Variants in LRIG3 observed in about 807,000 individuals in gnomAD.
The protein encoded by LRIG3 is leucine-rich repeats and immunoglobulin-like domains protein 3.
Under a neutral mutation model 114.5 loss-of-function variants are expected in LRIG3, and 76 were observed. The observed-to-expected ratio is 0.66, with a 90% CI of 0.55 to 0.80. LRIG3 has a LOEUF of 0.80. Ranked by LOEUF, LRIG3 falls within the 30% of genes least tolerant of loss-of-function variation. The pLI, the probability that LRIG3 is intolerant of heterozygous loss-of-function variation, is 0.00. For missense variants in LRIG3, 1,239 were observed against 1,382.8 expected, an observed-to-expected ratio of 0.90 and a Z score of 1.65; for synonymous variants, 512 against 519.8, an observed-to-expected ratio of 0.98 and a Z score of 0.20.
chr12:58,901,841 C>G (rs1871859837), intron 3 of LRIG3, among the ~76,000 whole-genome samples: 1 of 152,208 alleles, frequency 6.6e-6, no homozygotes, highest in African/African-American at 2.4e-5. Context: ...TACGGAAAGG[C>G]TGCTCACCAA....
At chr12:58,883,618 C>T in intron 10 of LRIG3, 27 bp from the exon 11 acceptor site, 1 of 1,507,660 alleles carries the variant, frequency 6.6e-7, no homozygotes, top group Non-Finnish European at 9.1e-7. Flanking sequence ...TCAAATGCAT[C>T]AGAGCAAACT....
At chr12:58,913,750 T>C in intron 3 of LRIG3, 1 of 465,932 alleles carries the variant, frequency 2.1e-6, no homozygotes, top group East Asian at 3.6e-5. Context: ...CGAAGACCAG[T>C]TCGGCAACAA....
chr12:58,883,027 A>C lies in LRIG3; in HGVS notation c.1322T>G (p.Leu441Ter). The C allele has an allele frequency of 6.2e-7, 1 of 1,612,156 alleles. No individual in the cohort carries two copies. The highest frequency in any genetic ancestry group is 8.5e-7 in the Non-Finnish European group (1 of 1,178,962). Residue 441 changes from leucine to a stop codon, truncating the protein, a stop_gained, in exon 12 of 19, where the codon TTA (leucine) becomes TGA (stop). Transcript: ENST00000320743. LOFTEE classifies it high-confidence loss of function. ...SQMKKLQQLH[L>*]NTSSLLCDCQ... ...ATCGCACAAAAGGCTTGATGTATTT[A>C]AATGCCTGAGGAGAGTAATTACATT...
chr12:58,911,103 T>C (rs1213932523), intron 3 of LRIG3, among the ~76,000 whole-genome samples: 1 of 152,144 alleles, frequency 6.6e-6, no homozygotes, highest in Non-Finnish European at 1.5e-5. Context: ...TCTGAGCTAG[T>C]TCTGTGTGGG....
chr12:58,883,828 C>T (rs368760325), intron 10 of LRIG3, among the ~76,000 whole-genome samples: 19 of 152,284 alleles, frequency 1.2e-4, no homozygotes, highest in African/African-American at 4.1e-4. Context: ...TCTGTCATCA[C>T]TTAAAGATTA....
chr12:58,889,886 G>A, intron 5 of LRIG3, 110 bp downstream of exon 5: 1 of 1,341,402 alleles, frequency 7.5e-7, no homozygotes, highest in Non-Finnish European at 1.0e-6. Flanking sequence ...AGGAAAGGCA[G>A]CTACATCCTT....
In LRIG3 at chr12:58,907,382, GAGA is replaced by G. The variant is rs567627235; in HGVS notation, c.383+6597_383+6599del. 4.9e-4 allele frequency among the ~76,000 whole-genome samples: 75 copies of G among 152,294 alleles called. 1 individual carries two copies. The South Asian group carries it at 0.015, about 30-fold the overall frequency. ...CCAAAATTATTAGGAACCATGAAGA[GAGA>G]AGTTTTCCTGAAAATTCACCCCCAA... On this transcript the variant is annotated intron_variant, in intron 3 of 18. Transcript: ENST00000320743.
At chr12:58,892,051 A>G (rs1406083762) in intron 3 of LRIG3, among the ~76,000 whole-genome samples, 1 of 152,180 alleles carries the variant, frequency 6.6e-6, no homozygotes, top group Non-Finnish European at 1.5e-5. Flanking sequence ...AGAAAAAAAA[A>G]AAAGAAGTCA....
chr12:58,906,192 G>C (rs1055559896), intron 3 of LRIG3, among the ~76,000 whole-genome samples: 1 of 152,074 alleles, frequency 6.6e-6, no homozygotes, highest in African/African-American at 2.4e-5. Flanking sequence ...TTCTAACTGT[G>C]GCTAAAGCTG....
At chr12:58,883,173 A>G (rs2120892772) in intron 11 of LRIG3, 141 bp from the exon 12 acceptor site, 1 of 775,030 alleles carries the variant, frequency 1.3e-6, no homozygotes, top group East Asian at 2.8e-5. Flanking sequence ...CCCACAGTCC[A>G]TTTTAAAATA....
chr12:58,874,865 C>T (rs866222674), intron 16 of LRIG3, among the ~76,000 whole-genome samples: 1 of 152,296 alleles, frequency 6.6e-6, no homozygotes, highest in South Asian at 2.1e-4. Flanking sequence ...CAGCACTGTC[C>T]CCTTCTTACA....
chr12:58,888,810 C>G lies in LRIG3; in HGVS notation c.803+9G>C, dbSNP rs1229880119. ...TACCTCAGTAGGAACTGTGATAACC[C>G]ACACTTACAAAATTTCCATGTTGCT... On this transcript the variant is annotated intron_variant, in intron 6 of 18. Coordinates refer to ENST00000320743, the MANE Select transcript of LRIG3 (RefSeq NM_153377.5). 6.2e-7 allele frequency: 1 copy of G among 1,612,990 alleles called. No individual in the cohort carries two copies. The highest frequency in any genetic ancestry group is 8.5e-7 in the Non-Finnish European group (1 of 1,179,464).
Position 58,878,970 on chromosome 12 carries a change from G to A in LRIG3, c.1937C>T (p.Ala646Val). The part of the protein sequence containing the change: ...WQKDGGTDFP[A>V]ARERRMHVMP... ...CACATGCATGCGTCTCTCCCGTGCAGCTGGGAAGTCTGTGCCCCCATCCTT... is the reference window on the plus strand; with the variant it reads ...CACATGCATGCGTCTCTCCCGTGCAACTGGGAAGTCTGTGCCCCCATCCTT... The change falls in exon 14 of 19, where the codon GCT (alanine) becomes GTT (valine). Residue 646 changes from alanine (A) to valine (V), a missense_variant. Transcript: ENST00000320743. The A allele has an allele frequency of 6.2e-7, 1 of 1,614,180 alleles. No homozygotes were observed.
At position 58,891,385 on chromosome 12, in the gene LRIG3, GGT is replaced by G. The variant is rs375720843; in HGVS notation, c.384-591_384-590del. 8.9e-4 allele frequency among the ~76,000 whole-genome samples: 136 copies of G among 152,220 alleles called. 1 individual carries two copies. The highest frequency in any genetic ancestry group is 3.4e-3 in the Middle Eastern group (1 of 294). The stretch of plus-strand genomic sequence containing the variant: ...AGCCTCCCAAAGTGCTAGGATTACA[GGT>G]GTGAGCCACCACACCTGGCTATTTT... On this transcript the variant is annotated intron_variant, in intron 3 of 18. Transcript: ENST00000320743.
rs548511015 is a variant in LRIG3, at chr12:58,919,856, C to T, written c.236+144G>A. 13 of 918,722 alleles carry T rather than the reference C, an allele frequency of 1.4e-5. 1 individual carries two copies. The African/African-American group carries it at 1.7e-4, about 12-fold the overall frequency. The allele number at this position is 918,722 out of a possible 1,614,324, so 56.9% of individuals were successfully genotyped here. On this transcript the variant is annotated intron_variant, in intron 1 of 18. Transcript: ENST00000320743. ...GGCCCGGACAGTTCTTTTTCCACGC[C>T]CACGGAGCGCCGATCGCGGCCTGGG... is the stretch of plus-strand genomic sequence containing the variant.
chr12:58,888,476 C>G lies in LRIG3; in HGVS notation c.804-4G>C. The G allele has an allele frequency of 6.2e-7, 1 of 1,611,854 alleles. No homozygotes were observed. The highest frequency in any genetic ancestry group is 8.5e-7 in the Non-Finnish European group (1 of 1,178,188). On this transcript the variant is annotated splice_region_variant and splice_polypyrimidine_tract_variant and intron_variant, in intron 6 of 18. Coordinates refer to ENST00000320743, the MANE Select transcript of LRIG3 (RefSeq NM_153377.5). ...TAGGTTGTTATGGTCCAGCTGCCTA[C>G]ATTTACAGTAAGAATCAAAAGCAGG... is the stretch of plus-strand genomic sequence containing the variant.
chr12:58,917,834 T>G (rs1461518052), intron 1 of LRIG3, among the ~76,000 whole-genome samples: 1 of 152,228 alleles, frequency 6.6e-6, no homozygotes, highest in Non-Finnish European at 1.5e-5. Flanking sequence ...TCTATTTATA[T>G]CTGAACTCGG....
chr12:58,876,380 A>G (rs910686047), intron 16 of LRIG3, 65 bp downstream of exon 16: 1 of 1,532,494 alleles, frequency 6.5e-7, no homozygotes, highest in Non-Finnish European at 8.9e-7. Context: ...AATGAATATC[A>G]TATCTGAGCC....
intron 1 of LRIG3, among the ~76,000 whole-genome samples, chr12:58,917,119 C>T (rs902844288): frequency 4.6e-5 from 7 of 152,086 alleles, no homozygotes; most frequent in African/African-American, 1.7e-4. Context: ...ACCATAAGGA[C>T]TATTACCCCC....
Sources: allele counts gnomAD v4.1 joint callset (sites outside exome capture counted in the v4.1 genomes callset), GRCh38; gene constraint gnomAD v4.1.1; transcripts MANE v1.5; gene names NCBI Gene and HGNC (gene_info 2026-07-23, HGNC 2026-07-21).